SPON1: variants seen among roughly 807,000 people sequenced by gnomAD.
The protein encoded by SPON1 is spondin-1.
Under a neutral mutation model 111.7 loss-of-function variants are expected in SPON1, and 52 were observed. The observed-to-expected ratio is 0.47, with a 90% CI of 0.37 to 0.59. The LOEUF (loss-of-function observed/expected upper bound fraction) is 0.59. SPON1 is among the 20% of genes least tolerant of loss of function. The probability of loss-of-function intolerance (pLI) is 0.00; values close to 1 mark genes in which losing one functional copy is unlikely to be tolerated. For synonymous variants in SPON1, 410 were observed against 395.8 expected (o/e 1.04, Z -0.43); for missense variants, 957 against 1,068.5 (o/e 0.90, Z 1.46).
At chr11:14,253,204 A>G (rs1444295528) in intron 7 of SPON1, among the ~76,000 whole-genome samples, 1 of 152,248 alleles carries the variant, frequency 6.6e-6, no homozygotes, top group Admixed American at 6.5e-5. Context: ...CTAGACTGGC[A>G]TCAGGCTAAA....
intron 2 of SPON1, among the ~76,000 whole-genome samples, chr11:13,983,646 G>A (rs782692514): frequency 3.4e-4 from 52 of 152,168 alleles, no homozygotes; most frequent in Non-Finnish European, 5.4e-4. Context: ...TGGTAGGAAC[G>A]TCATCCCCTT....
intron 1 of SPON1, among the ~76,000 whole-genome samples, chr11:13,982,122 T>G (rs1167877458): frequency 2.6e-5 from 4 of 152,222 alleles, no homozygotes; most frequent in Non-Finnish European, 4.4e-5. Context: ...TTATTAGTTA[T>G]TGTTGATTTC....
chr11:14,035,167 T>C (rs1554916487), intron 2 of SPON1, among the ~76,000 whole-genome samples: 1 of 152,158 alleles, frequency 6.6e-6, no homozygotes, highest in African/African-American at 2.4e-5. Context: ...TGTGGTTTCA[T>C]GGGACTAGGA....
intron 6 of SPON1, among the ~76,000 whole-genome samples, chr11:14,207,375 A>G (rs879953292): frequency 6.6e-6 from 1 of 152,046 alleles, no homozygotes; most frequent in Non-Finnish European, 1.5e-5. Context: ...AATGGTTTCT[A>G]ATTAGAGCTT....
intron 5 of SPON1, among the ~76,000 whole-genome samples, chr11:14,109,095 T>C (rs1849207653): frequency 6.6e-6 from 1 of 152,188 alleles, no homozygotes; most frequent in Non-Finnish European, 1.5e-5. Context: ...AAGGAAGCTC[T>C]CCCTGATTCC....
intron 6 of SPON1, among the ~76,000 whole-genome samples, chr11:14,168,182 A>G (rs539140638): frequency 1.3e-5 from 2 of 152,304 alleles, no homozygotes; most frequent in African/African-American, 4.8e-5. Context: ...GCTCCAAAGT[A>G]GGTAAATTGA....
At chr11:14,157,733 T>C (rs1847865942) in intron 6 of SPON1, among the ~76,000 whole-genome samples, 2 of 152,148 alleles carry the variant, frequency 1.3e-5, no homozygotes, top group Admixed American at 1.3e-4. Flanking sequence ...TATTTATCAT[T>C]TTCCCTCCAT....
intron 6 of SPON1, among the ~76,000 whole-genome samples, chr11:14,230,072 C>T (rs897231972): frequency 6.6e-6 from 1 of 151,972 alleles, no homozygotes; most frequent in Non-Finnish European, 1.5e-5. Flanking sequence ...TCTCCCCAAA[C>T]CTCAAATATG....
chr11:14,152,193 G>C (rs527295315), intron 6 of SPON1, among the ~76,000 whole-genome samples: 41 of 152,298 alleles, frequency 2.7e-4, no homozygotes, highest in African/African-American at 9.4e-4. Context: ...CTGTTGAATT[G>C]AGTTGAATGC....
At chr11:14,185,802 C>T (rs1424119921) in intron 6 of SPON1, among the ~76,000 whole-genome samples, 1 of 152,236 alleles carries the variant, frequency 6.6e-6, no homozygotes, top group African/African-American at 2.4e-5. Flanking sequence ...CGCCCCTTCT[C>T]ATCAGACTGG....
intron 3 of SPON1, among the ~76,000 whole-genome samples, chr11:14,072,387 T>C (rs1848883803): frequency 6.6e-6 from 1 of 152,062 alleles, no homozygotes. Flanking sequence ...TTGAGGGCAA[T>C]TACTTTTCTA....
intron 5 of SPON1, among the ~76,000 whole-genome samples, chr11:14,126,698 C>T (rs928033497): frequency 7.2e-5 from 11 of 152,196 alleles, no homozygotes; most frequent in African/African-American, 2.4e-4. Context: ...TCTGCCGCTT[C>T]CCCCTAGGTC....
chr11:13,989,939 A>G (rs561282773), intron 2 of SPON1, among the ~76,000 whole-genome samples: 1 of 152,244 alleles, frequency 6.6e-6, no homozygotes, highest in East Asian at 1.9e-4. Flanking sequence ...ATTATTTTGC[A>G]TTTGCTGAGG....
chr11:14,144,510 A>G (rs1313258902), intron 6 of SPON1, among the ~76,000 whole-genome samples: 1 of 151,874 alleles, frequency 6.6e-6, no homozygotes, highest in Non-Finnish European at 1.5e-5. Flanking sequence ...GGCACCTGTA[A>G]TCCCAGCTAC....
intron 15 of SPON1, among the ~76,000 whole-genome samples, chr11:14,265,130 G>A (rs1849249164): frequency 6.6e-6 from 1 of 152,242 alleles, no homozygotes; most frequent in South Asian, 2.1e-4. Context: ...CTGCGTATCT[G>A]GGGCCTCATG....
chr11:14,035,989 C>T (rs1304997859), intron 2 of SPON1, among the ~76,000 whole-genome samples: 1 of 152,112 alleles, frequency 6.6e-6, no homozygotes, highest in Non-Finnish European at 1.5e-5. Context: ...GAAATGATGA[C>T]TATTTTTAAA....
chr11:14,057,764 G>T (rs1396918729), intron 3 of SPON1, among the ~76,000 whole-genome samples: 3 of 148,144 alleles, frequency 2.0e-5, no homozygotes, highest in African/African-American at 7.4e-5. Context: ...GGAAGCTGAG[G>T]CTGGAAGATT....
intron 6 of SPON1, among the ~76,000 whole-genome samples, chr11:14,157,926 A>G (rs1282647822): frequency 2.6e-5 from 4 of 152,084 alleles, no homozygotes; most frequent in African/African-American, 9.7e-5. Context: ...GAACATATTA[A>G]TTATAGTTTT....
chr11:14,102,321 ATT>A (rs1554924456), intron 5 of SPON1, among the ~76,000 whole-genome samples: 8 of 152,228 alleles, frequency 5.3e-5, no homozygotes, highest in Non-Finnish European at 1.5e-5. Flanking sequence ...AGCAAGTGCA[ATT>A]AATTTTAATG....
Sources: allele counts gnomAD v4.1 joint callset (sites outside exome capture counted in the v4.1 genomes callset), GRCh38; gene constraint gnomAD v4.1.1; transcripts MANE v1.5; gene names NCBI Gene and HGNC (gene_info 2026-07-23, HGNC 2026-07-21).